Variants in PTPRD observed in about 807,000 individuals in gnomAD.
PTPRD encodes receptor-type tyrosine-protein phosphatase delta.
In PTPRD, 34 loss-of-function variants were observed where a neutral mutation model predicts 214.5. The observed-to-expected ratio is 0.16, with a 90% CI of 0.12 to 0.21. PTPRD has a LOEUF of 0.21. Ranked by LOEUF, PTPRD falls within the 10% of genes least tolerant of loss-of-function variation. PTPRD has a pLI of 1.00. For synonymous variants in PTPRD, 1,128 were observed against 845.7 expected, an observed-to-expected ratio of 1.33 and a Z score of -5.79; for missense variants, 2,545 against 2,398.7, an observed-to-expected ratio of 1.06 and a Z score of -1.27.
intron 14 of PTPRD, among the ~76,000 whole-genome samples, chr9:8,553,546 C>A (rs2082746907): frequency 6.6e-6 from 1 of 152,006 alleles, no homozygotes. Context: ...ACACTATCTA[C>A]CAGGAGATAG....
intron 9 of PTPRD, among the ~76,000 whole-genome samples, chr9:9,331,076 C>T (rs1045942171): frequency 6.6e-6 from 1 of 151,960 alleles, no homozygotes; most frequent in Non-Finnish European, 1.5e-5. Flanking sequence ...TGAAGACCTG[C>T]AGTTGGGCTG....
At chr9:8,944,528 A>C (rs2099052309) in intron 11 of PTPRD, among the ~76,000 whole-genome samples, 1 of 152,270 alleles carries the variant, frequency 6.6e-6, no homozygotes, top group Admixed American at 6.5e-5. Context: ...ATGAATGGAT[A>C]AAGAAAATGT....
At chr9:8,951,514 T>A (rs1385083789) in intron 11 of PTPRD, among the ~76,000 whole-genome samples, 1 of 152,048 alleles carries the variant, frequency 6.6e-6, no homozygotes, top group African/African-American at 2.4e-5. Context: ...TTGATTTTTC[T>A]ACTTTGTTAC....
At chr9:9,908,326 G>A (rs1478967225) in intron 5 of PTPRD, among the ~76,000 whole-genome samples, 2 of 151,950 alleles carry the variant, frequency 1.3e-5, no homozygotes, top group Admixed American at 6.6e-5. Flanking sequence ...TAAAGGGGGA[G>A]TGTCAAGGAA....
intron 10 of PTPRD, among the ~76,000 whole-genome samples, chr9:9,027,975 C>T (rs1590066407): frequency 6.6e-6 from 1 of 151,854 alleles, no homozygotes; most frequent in Non-Finnish European, 1.5e-5. Context: ...CACAAGGACT[C>T]ATTTCTTTAA....
chr9:9,971,598 G>A (rs1021756300), intron 4 of PTPRD, among the ~76,000 whole-genome samples: 8 of 152,126 alleles, frequency 5.3e-5, no homozygotes, highest in African/African-American at 1.7e-4. Context: ...GTTGGATTCT[G>A]AAGAAAATTC....
intron 3 of PTPRD, among the ~76,000 whole-genome samples, chr9:10,043,641 C>T (rs150068424): frequency 6.6e-6 from 1 of 151,348 alleles, no homozygotes; most frequent in Non-Finnish European, 1.5e-5. Context: ...TTTTATGATG[C>T]AAAAAAGGTG....
At chr9:9,754,838 C>T (rs1260930825) in intron 6 of PTPRD, among the ~76,000 whole-genome samples, 1 of 152,032 alleles carries the variant, frequency 6.6e-6, no homozygotes, top group African/African-American at 2.4e-5. Flanking sequence ...CTACCTGAAT[C>T]ACCAAACACA....
At chr9:9,074,880 C>T (rs1334044324) in intron 10 of PTPRD, among the ~76,000 whole-genome samples, 1 of 149,586 alleles carries the variant, frequency 6.7e-6, no homozygotes, top group Non-Finnish European at 1.5e-5. Context: ...AAAGAAATTA[C>T]AATTTAGTTT....
intron 11 of PTPRD, among the ~76,000 whole-genome samples, chr9:8,737,545 G>T (rs1292209768): frequency 6.6e-6 from 1 of 151,592 alleles, no homozygotes; most frequent in Non-Finnish European, 1.5e-5. Context: ...GAGCAAGGAG[G>T]TTCAGTGATA....
At chr9:8,880,438 G>C (rs2098435911) in intron 11 of PTPRD, among the ~76,000 whole-genome samples, 1 of 152,074 alleles carries the variant, frequency 6.6e-6, no homozygotes, top group African/African-American at 2.4e-5. Context: ...TGATGATGAA[G>C]CACAGCATAC....
chr9:10,507,461 A>G (rs2046393298), intron 2 of PTPRD, among the ~76,000 whole-genome samples: 2 of 152,152 alleles, frequency 1.3e-5, no homozygotes, highest in Non-Finnish European at 2.9e-5. Flanking sequence ...TAAAGATCAT[A>G]TGGAACCAAA....
chr9:8,898,040 C>T (rs546959836), intron 11 of PTPRD, among the ~76,000 whole-genome samples: 7 of 152,224 alleles, frequency 4.6e-5, no homozygotes, highest in African/African-American at 1.7e-4. Flanking sequence ...TCACCATTAA[C>T]CTTCTTCCAC....
intron 2 of PTPRD, among the ~76,000 whole-genome samples, chr9:10,581,564 A>ACTTT (rs2071823651): frequency 6.6e-6 from 1 of 152,180 alleles, no homozygotes; most frequent in African/African-American, 2.4e-5. Context: ...CTAATTTAGA[A>ACTTT]CTTTGATGCT....
At chr9:8,564,064 T>C (rs529074487) in intron 14 of PTPRD, among the ~76,000 whole-genome samples, 3 of 152,180 alleles carry the variant, frequency 2.0e-5, no homozygotes, top group Non-Finnish European at 2.9e-5. Context: ...AGGCTAGAGA[T>C]ATGTGGTACG....
chr9:9,826,629 A>T (rs1361693973), intron 5 of PTPRD, among the ~76,000 whole-genome samples: 1 of 152,058 alleles, frequency 6.6e-6, no homozygotes, highest in Non-Finnish European at 1.5e-5. Flanking sequence ...TAGTATACTT[A>T]GTGTCCTTAG....
intron 11 of PTPRD, among the ~76,000 whole-genome samples, chr9:8,908,162 G>A (rs888509108): frequency 2.0e-5 from 3 of 152,088 alleles, no homozygotes; most frequent in African/African-American, 7.2e-5. Context: ...TGAAACTGCT[G>A]AAAAAATGTC....
chr9:10,523,614 T>TAGAGAGAGAGAGAGAG lies in PTPRD; in HGVS notation c.-600+88783_-600+88784insCTCTCTCTCTCTCTCT, dbSNP rs1395431811. 1.2e-3 allele frequency among the ~76,000 whole-genome samples: 113 copies of TAGAGAGAGAGAGAGAG among 97,014 alleles called. 3 individuals are homozygous for TAGAGAGAGAGAGAGAG. The highest frequency in any genetic ancestry group is 3.5e-3 in the African/African-American group (108 of 31,214). The allele number at this position is 97,014 out of a possible 152,430, so 63.6% of individuals were successfully genotyped here. A position where few individuals can be genotyped will look rare whatever the true frequency, so the allele number is the denominator to read the frequency against. ...GTATATTTATCTGTATATATATATA[T>TAGAGAGAGAGAGAGAG]ATATATATAGACAGAAAGAAAGGGA... On this transcript the variant is annotated intron_variant, in intron 2 of 45. Coordinates refer to ENST00000381196, the MANE Select transcript of PTPRD (RefSeq NM_002839.4).
intron 7 of PTPRD, among the ~76,000 whole-genome samples, chr9:9,646,862 C>T (rs1453576008): frequency 6.6e-6 from 1 of 152,108 alleles, no homozygotes; most frequent in Admixed American, 6.5e-5. Flanking sequence ...TATTGTAGTA[C>T]AATAATGTGG....
Sources: allele counts gnomAD v4.1 joint callset (sites outside exome capture counted in the v4.1 genomes callset), GRCh38; gene constraint gnomAD v4.1.1; transcripts MANE v1.5; gene names NCBI Gene and HGNC (gene_info 2026-07-23, HGNC 2026-07-21).